Variants in GRXCR1 observed in about 807,000 individuals in gnomAD.
GRXCR1 encodes glutaredoxin and cysteine rich domain containing 1.
A neutral mutation model predicts 27.3 loss-of-function variants in GRXCR1; 27 were observed. The ratio of observed to expected loss-of-function variants is 0.99; its 90% CI spans 0.73 to 1.37. The LOEUF is 1.37. Ranked by LOEUF, GRXCR1 falls within the 40% of genes most tolerant of loss-of-function variation. GRXCR1 has a pLI of 0.00. For synonymous variants in GRXCR1, 122 were observed against 131.1 expected (o/e 0.93, Z 0.47); for missense variants, 379 against 354.4 (o/e 1.07, Z -0.56).
chr4:42,919,689 T>G (rs140261599), intron 1 of GRXCR1, among the ~76,000 whole-genome samples: 1 of 152,196 alleles, frequency 6.6e-6, no homozygotes, highest in East Asian at 1.9e-4. Flanking sequence ...ACACAGTATC[T>G]TCCACTGGGT....
chr4:43,012,935 C>T (rs144124236), intron 2 of GRXCR1, among the ~76,000 whole-genome samples: 2 of 152,158 alleles, frequency 1.3e-5, no homozygotes, highest in East Asian at 3.9e-4. Flanking sequence ...AGACAACAAA[C>T]ATGAAAAAAT....
At chr4:43,019,196 G>A (rs1174583444) in intron 2 of GRXCR1, among the ~76,000 whole-genome samples, 2 of 152,042 alleles carry the variant, frequency 1.3e-5, no homozygotes, top group Non-Finnish European at 2.9e-5. Context: ...TCCTCCTCTT[G>A]TGATTTCCTA....
At chr4:42,919,968 A>C (rs1157949503) in intron 1 of GRXCR1, among the ~76,000 whole-genome samples, 1 of 152,126 alleles carries the variant, frequency 6.6e-6, no homozygotes, top group Non-Finnish European at 1.5e-5. Context: ...ATGTCTGTAG[A>C]GTTTCTGCTC....
intron 2 of GRXCR1, among the ~76,000 whole-genome samples, chr4:42,997,548 C>G (rs1397724254): frequency 6.6e-6 from 1 of 152,138 alleles, no homozygotes; most frequent in African/African-American, 2.4e-5. Flanking sequence ...CTAGAGATAG[C>G]AAAGGACTTG....
intron 1 of GRXCR1, among the ~76,000 whole-genome samples, chr4:42,937,556 C>G (rs1186923587): frequency 6.6e-6 from 1 of 151,796 alleles, no homozygotes; most frequent in East Asian, 1.9e-4. Flanking sequence ...ATAAATATTT[C>G]CATATGCAAC....
chr4:42,955,295 C>T (rs1211012859), intron 1 of GRXCR1, among the ~76,000 whole-genome samples: 1 of 152,024 alleles, frequency 6.6e-6, no homozygotes. Context: ...TTCAACATGC[C>T]CCGTGTGATG....
At position 42,987,221 on chromosome 4, in the gene GRXCR1, AT is replaced by A. The variant is rs1394061967; in HGVS notation, c.627+24089del. Among the ~76,000 whole-genome samples the A allele has an allele frequency of 4.0e-4, 16 of 39,938 alleles. 1 individual carries two copies. Among genetic ancestry groups the A allele is most frequent in the African/African-American group, 1.5e-3 (15 of 9,868 alleles). The allele number at this position is 39,938 out of a possible 152,430, so 26.2% of individuals were successfully genotyped here. On this transcript the variant is annotated intron_variant, in intron 2 of 3. Transcript: ENST00000399770. The stretch of plus-strand genomic sequence containing the variant: ...GTTTTCATATATATATTATATATAT[AT>A]TATATATTATATATATATAATATAT...
chr4:42,961,460 G>A (rs568684491), intron 1 of GRXCR1, among the ~76,000 whole-genome samples: 164 of 152,010 alleles, frequency 1.1e-3, no homozygotes, highest in African/African-American at 3.7e-3. Context: ...AAGTTGCTAC[G>A]TAAAATAATT....
chr4:42,972,131 G>A (rs538996869), intron 2 of GRXCR1, among the ~76,000 whole-genome samples: 3 of 152,022 alleles, frequency 2.0e-5, no homozygotes, highest in Non-Finnish European at 4.4e-5. Flanking sequence ...ATTTTATTTA[G>A]CAATGTGTGA....
intron 1 of GRXCR1, among the ~76,000 whole-genome samples, chr4:42,948,234 CTT>C (rs5857877): frequency 0.39 from 56,843 of 147,274 alleles, 11,110 homozygotes; most frequent in Admixed American, 0.52. Flanking sequence ...ATTTCTAGGG[CTT>C]TTTTTTTTTT....
intron 2 of GRXCR1, among the ~76,000 whole-genome samples, chr4:42,983,237 G>A (rs1711544596): frequency 6.7e-6 from 1 of 149,318 alleles, no homozygotes; most frequent in Non-Finnish European, 1.5e-5. Context: ...TTTGTATAAG[G>A]TGTAAGGAAG....
rs188304881 is a variant in GRXCR1 at position 42,903,101 on chromosome 4, C to T, written c.384+9451C>T. 1.7e-4 allele frequency among the ~76,000 whole-genome samples: 26 copies of T among 152,138 alleles called. 1 individual carries two copies. The highest frequency in any genetic ancestry group is 5.3e-4 in the African/African-American group (22 of 41,522). On this transcript the variant is annotated intron_variant, in intron 1 of 3. Transcript: ENST00000399770. Reference sequence around the variant, plus strand: ...AAACCCAGAGGCTACAACCGGAGCCCGAAGGCTGAAGATTTGCCTCTCTCA... The same window carrying T: ...AAACCCAGAGGCTACAACCGGAGCCTGAAGGCTGAAGATTTGCCTCTCTCA...
chr4:42,990,736 T>C (rs531999135), intron 2 of GRXCR1, among the ~76,000 whole-genome samples: 1 of 152,240 alleles, frequency 6.6e-6, no homozygotes, highest in South Asian at 2.1e-4. Context: ...GCCTATTAAT[T>C]GGAATTTATT....
chr4:42,986,103 G>C (rs779826156), intron 2 of GRXCR1, among the ~76,000 whole-genome samples: 1 of 152,076 alleles, frequency 6.6e-6, no homozygotes, highest in South Asian at 2.1e-4. Flanking sequence ...TTGTGGTTTT[G>C]TTTTGTTTTT....
intron 1 of GRXCR1, among the ~76,000 whole-genome samples, chr4:42,906,025 C>A (rs1411851150): frequency 6.6e-6 from 1 of 152,172 alleles, no homozygotes; most frequent in African/African-American, 2.4e-5. Context: ...AATCTCATTT[C>A]ATGAACTGTG....
At chr4:42,973,166 C>T (rs951635686) in intron 2 of GRXCR1, among the ~76,000 whole-genome samples, 3 of 152,094 alleles carry the variant, frequency 2.0e-5, no homozygotes, top group Non-Finnish European at 2.9e-5. Context: ...TTGCTAGTTC[C>T]CAGTTCTGTG....
At chr4:42,919,457 A>G (rs1746959038) in intron 1 of GRXCR1, among the ~76,000 whole-genome samples, 1 of 152,094 alleles carries the variant, frequency 6.6e-6, no homozygotes, top group African/African-American at 2.4e-5. Context: ...TGTGCCATTC[A>G]CTTTTGCTTT....
At chr4:42,949,273 G>A (rs951031335) in intron 1 of GRXCR1, among the ~76,000 whole-genome samples, 7 of 142,260 alleles carry the variant, frequency 4.9e-5, no homozygotes, top group African/African-American at 1.8e-4. Flanking sequence ...GCTGAGTCAG[G>A]AGAATCGCTT....
intron 2 of GRXCR1, among the ~76,000 whole-genome samples, chr4:43,009,120 A>T (rs556645102): frequency 1.3e-5 from 2 of 152,350 alleles, no homozygotes; most frequent in African/African-American, 4.8e-5. Flanking sequence ...GGCAAAGATT[A>T]TGAAGGAATA....
Sources: allele counts gnomAD v4.1 joint callset (sites outside exome capture counted in the v4.1 genomes callset), GRCh38; gene constraint gnomAD v4.1.1; transcripts MANE v1.5; gene names NCBI Gene and HGNC (gene_info 2026-07-23, HGNC 2026-07-21).